NKAIN1: variants seen among roughly 807,000 people sequenced by gnomAD.
NKAIN1 encodes sodium/potassium transporting ATPase interacting 1.
A neutral mutation model predicts 31.6 loss-of-function variants in NKAIN1; 13 were observed. The observed-to-expected ratio is 0.41, with a 90% CI of 0.27 to 0.65. NKAIN1 has a LOEUF of 0.65. NKAIN1 is among the 30% of genes least tolerant of loss of function. The probability of loss-of-function intolerance (pLI) is 0.30; values close to 1 mark genes in which losing one functional copy is unlikely to be tolerated. For missense variants in NKAIN1, 193 were observed against 262.2 expected (o/e 0.74, Z 1.82); for synonymous variants, 104 against 109.0 (o/e 0.95, Z 0.28).
At chr1:31,231,742 G>C (rs1317357574) in intron 1 of NKAIN1, among the ~76,000 whole-genome samples, 1 of 150,572 alleles carries the variant, frequency 6.6e-6, no homozygotes. Context: ...GTGTTAGCCA[G>C]GATGGTCTCG....
chr1:31,192,017 C>T (rs1645289392), intron 1 of NKAIN1, among the ~76,000 whole-genome samples: 1 of 152,230 alleles, frequency 6.6e-6, no homozygotes, highest in African/African-American at 2.4e-5. Context: ...CTCAATTAAT[C>T]TTCCTGCCTT....
intron 1 of NKAIN1, among the ~76,000 whole-genome samples, chr1:31,232,396 CATATATAT>C (rs371123492): frequency 0.012 from 80 of 6,412 alleles, 9 homozygotes; most frequent in African/African-American, 0.018. Flanking sequence ...TGGCCTACTT[CATATATAT>C]ATATATATAT....
chr1:31,224,438 T>C (rs763861131), intron 1 of NKAIN1, among the ~76,000 whole-genome samples: 88 of 152,164 alleles, frequency 5.8e-4, no homozygotes, highest in Admixed American at 2.8e-3. Flanking sequence ...CGGGGCCACA[T>C]CCCAATCAAG....
intron 1 of NKAIN1, among the ~76,000 whole-genome samples, chr1:31,214,664 G>C (rs1479686488): frequency 6.6e-6 from 1 of 152,212 alleles, no homozygotes; most frequent in Non-Finnish European, 1.5e-5. Context: ...GCTATGATGA[G>C]AGTGGTCAAG....
At chr1:31,202,851 C>T (rs1413058393) in intron 1 of NKAIN1, among the ~76,000 whole-genome samples, 1 of 150,206 alleles carries the variant, frequency 6.7e-6, no homozygotes, top group African/African-American at 2.5e-5. Context: ...GTGGTGTGCG[C>T]CTGTAGTCCC....
intron 1 of NKAIN1, among the ~76,000 whole-genome samples, chr1:31,214,316 G>T (rs1570469419): frequency 6.6e-6 from 1 of 151,998 alleles, no homozygotes; most frequent in Admixed American, 6.6e-5. Flanking sequence ...GGGTTTGGGG[G>T]TCTCTTTTTA....
At chr1:31,231,069 AAATG>A (rs1645644409) in intron 1 of NKAIN1, among the ~76,000 whole-genome samples, 2 of 151,798 alleles carry the variant, frequency 1.3e-5, no homozygotes, top group Non-Finnish European at 2.9e-5. Flanking sequence ...TTTTTAGTAC[AAATG>A]GGGTTTCACC....
chr1:31,219,555 G>A (rs113954445), intron 1 of NKAIN1, among the ~76,000 whole-genome samples: 76 of 152,334 alleles, frequency 5.0e-4, no homozygotes, highest in African/African-American at 1.6e-3. Flanking sequence ...TGGACTGCCC[G>A]CCCTGGGGAA....
intron 1 of NKAIN1, among the ~76,000 whole-genome samples, chr1:31,219,504 C>A (rs183584353): frequency 6.6e-6 from 1 of 152,132 alleles, no homozygotes; most frequent in South Asian, 2.1e-4. Flanking sequence ...AGGGTGGGAG[C>A]GTAGGCATAG....
At chr1:31,198,107 A>G (rs1394642170) in intron 1 of NKAIN1, among the ~76,000 whole-genome samples, 2 of 152,100 alleles carry the variant, frequency 1.3e-5, no homozygotes, top group African/African-American at 4.8e-5. Flanking sequence ...GAGGGCAGGA[A>G]TTTCTGCTTG....
rs1645196851 is a variant in NKAIN1, at chr1:31,181,464, G to A, written c.*239C>T. ...ACAAACAAAAAACAAAAAACCCGTGGTGCCCCTCCCCCGCCCCGCCCCACT... is the reference window on the plus strand; with the variant it reads ...ACAAACAAAAAACAAAAAACCCGTGATGCCCCTCCCCCGCCCCGCCCCACT... On this transcript the variant is annotated 3_prime_UTR_variant, in exon 7 of 7. Transcript: ENST00000373736. 2.4e-6 allele frequency: 1 copy of A among 408,892 alleles called. No homozygotes were observed. The highest frequency in any genetic ancestry group is 4.3e-6 in the Non-Finnish European group (1 of 230,206). 25.3% of individuals were successfully genotyped at this position (408,892 alleles called of 1,614,324 possible).
chr1:31,183,436 C>T (rs1159469074), intron 4 of NKAIN1, among the ~76,000 whole-genome samples: 27 of 106,696 alleles, frequency 2.5e-4, no homozygotes, highest in Admixed American at 1.9e-3. Context: ...TTCATTCCCT[C>T]TTTTTTTTTT....
chr1:31,200,092 T>C (rs980929243), intron 1 of NKAIN1, among the ~76,000 whole-genome samples: 4 of 151,672 alleles, frequency 2.6e-5, no homozygotes, highest in Admixed American at 6.6e-5. Flanking sequence ...CGCACACGCA[T>C]TCACACACAC....
In NKAIN1 at chr1:31,239,423, A is replaced by G; in HGVS notation, c.54+71T>C. The stretch of plus-strand genomic sequence containing the variant: ...CACACACAGAGACACACGCAACCCC[A>G]CCCGCACGCCCTGGGACCGCGCCCC... On this transcript the variant is annotated intron_variant, in intron 1 of 6. Coordinates refer to ENST00000373736, the MANE Select transcript of NKAIN1 (RefSeq NM_024522.3). This position sits in a 1 kb window ranked among gnomAD's most constrained non-coding sequence, Gnocchi z 4.8. 8.3e-7 allele frequency: 1 copy of G among 1,209,342 alleles called. No individual in the cohort carries two copies. Among genetic ancestry groups the G allele is most frequent in the Non-Finnish European group, 1.1e-6 (1 of 921,574 alleles). The allele number at this position is 1,209,342 out of a possible 1,614,324, so 74.9% of individuals were successfully genotyped here. A position where few individuals can be genotyped will look rare whatever the true frequency, so the allele number is the denominator to read the frequency against.
At chr1:31,195,795 C>T (rs965451583) in intron 1 of NKAIN1, among the ~76,000 whole-genome samples, 1 of 149,590 alleles carries the variant, frequency 6.7e-6, no homozygotes, top group Non-Finnish European at 1.5e-5. Flanking sequence ...CGTGGTGGTG[C>T]ACGTCTGTGG....
At chr1:31,188,423 A>C in intron 1 of NKAIN1, 1 of 491,452 alleles carries the variant, frequency 2.0e-6, no homozygotes, top group Non-Finnish European at 3.6e-6. Context: ...CCTCCCTGCC[A>C]AGGAGGCCCT....
chr1:31,232,448 G>T (rs1317253815), intron 1 of NKAIN1, among the ~76,000 whole-genome samples: 3 of 114,600 alleles, frequency 2.6e-5, no homozygotes, highest in African/African-American at 6.1e-5. Context: ...GAGAGAGAGA[G>T]AGAGAGAGAG....
At chr1:31,182,246 T>G (rs1645208388) in intron 5 of NKAIN1, among the ~76,000 whole-genome samples, 1 of 151,490 alleles carries the variant, frequency 6.6e-6, no homozygotes, top group Non-Finnish European at 1.5e-5. Flanking sequence ...GAGAAGGCTC[T>G]CAGGGGCGGG....
rs149746579 is a variant in NKAIN1, at chr1:31,212,955, C to T, written c.55-24768G>A. Reference sequence around the variant, plus strand: ...GAGCTCGTGGTGAGCCAAGATTGTGCCACTGTACTCCAGCCTAGGTGACAG... The same window carrying T: ...GAGCTCGTGGTGAGCCAAGATTGTGTCACTGTACTCCAGCCTAGGTGACAG... On this transcript the variant is annotated intron_variant, in intron 1 of 6. Transcript: ENST00000373736. 4.1e-3 allele frequency among the ~76,000 whole-genome samples: 629 copies of T among 151,732 alleles called. 42 individuals carry two copies. The East Asian group carries it at 0.1, about 25-fold the overall frequency.
Sources: gnomAD v4.1 joint callset for allele counts (sites outside exome capture counted in the v4.1 genomes callset) on GRCh38, gnomAD v4.1.1 for gene constraint, Gnocchi (gnomAD v3.1) non-coding constraint, MANE v1.5 for transcripts, NCBI Gene and HGNC (gene_info 2026-07-23, HGNC 2026-07-21) for gene names.